The following GTF2A1L variants were observed in gnomAD, a reference collection of about 807,000 sequenced individuals.
The protein encoded by GTF2A1L is TFIIA-alpha and beta-like factor.
In GTF2A1L, 48 loss-of-function variants were observed where a neutral mutation model predicts 49.7. The observed-to-expected ratio is 0.97, with a 90% CI of 0.77 to 1.23. The LOEUF (loss-of-function observed/expected upper bound fraction) is 1.23. Ranked by LOEUF, GTF2A1L falls within the 50% of genes most tolerant of loss-of-function variation. The pLI, the probability that GTF2A1L is intolerant of heterozygous loss-of-function variation, is 0.00. For synonymous variants in GTF2A1L, 246 were observed against 193.5 expected, an observed-to-expected ratio of 1.27 and a Z score of -2.25; for missense variants, 736 against 564.8, an observed-to-expected ratio of 1.30 and a Z score of -3.07.
intron 3 of GTF2A1L, among the ~76,000 whole-genome samples, chr2:48,621,850 G>A (rs990766794): frequency 3.3e-5 from 5 of 152,140 alleles, no homozygotes; most frequent in Admixed American, 2.6e-4. Flanking sequence ...TAAGGGAAAT[G>A]TTTGTCCACA....
intron 6 of GTF2A1L, among the ~76,000 whole-genome samples, chr2:48,655,072 A>G (rs1034119777): frequency 2.6e-5 from 4 of 152,154 alleles, no homozygotes; most frequent in Non-Finnish European, 5.9e-5. Flanking sequence ...TGTTGAATCT[A>G]TAGATCAGTA....
chr2:48,669,761 G>C lies in GTF2A1L; in HGVS notation c.1018G>C (p.Asp340His). The C allele has an allele frequency of 6.2e-7, 1 of 1,613,766 alleles. No homozygotes were observed. Among genetic ancestry groups the C allele is most frequent in the Non-Finnish European group, 8.5e-7 (1 of 1,179,862 alleles). ...SQVDLSIRVT[D>H]DDIGEIIQVD... Reference sequence around the variant, plus strand: ...GGTGGATTTAAGCATTCGGGTTACTGATGATGATATTGGTGAAATAATTCA... The same window carrying C: ...GGTGGATTTAAGCATTCGGGTTACTCATGATGATATTGGTGAAATAATTCA... The change falls in exon 7 of 9, where the codon GAT becomes CAT. Residue 340 changes from aspartate (D) to histidine (H), a missense_variant. Transcript: ENST00000403751.
intron 6 of GTF2A1L, among the ~76,000 whole-genome samples, chr2:48,666,254 G>A (rs1473192427): frequency 6.6e-6 from 1 of 150,856 alleles, no homozygotes; most frequent in Non-Finnish European, 1.5e-5. Flanking sequence ...CACCCAGGCT[G>A]GAGTGCAGTG....
intron 5 of GTF2A1L, 39 bp from the exon 6 acceptor site, chr2:48,646,414 A>G: frequency 7.1e-7 from 1 of 1,412,164 alleles, no homozygotes; most frequent in Non-Finnish European, 9.3e-7. Flanking sequence ...GGAAATTTTA[A>G]TTCTATTATA....
chr2:48,619,822 G>T (rs1319129437), intron 1 of GTF2A1L, among the ~76,000 whole-genome samples: 1 of 152,066 alleles, frequency 6.6e-6, no homozygotes, highest in Non-Finnish European at 1.5e-5. Flanking sequence ...GTTTAATCTG[G>T]GTAGAAATCT....
Position 48,653,220 on chromosome 2 carries a change from C to CAA in GTF2A1L, c.978+6197_978+6198dup, listed in dbSNP as rs568400398. Among the ~76,000 whole-genome samples the CAA allele has an allele frequency of 1.4e-3, 124 of 88,016 alleles. 1 individual carries two copies. The highest frequency in any genetic ancestry group is 2.0e-3 in the South Asian group (5 of 2,484). 57.7% of individuals were successfully genotyped at this position (88,016 alleles called of 152,430 possible). A position where few individuals can be genotyped will look rare whatever the true frequency, so the allele number is the denominator to read the frequency against. On this transcript the variant is annotated intron_variant, in intron 6 of 8. Transcript: ENST00000403751. ...TGGGTGACAGAGCCAGACTCTGTCT[C>CAA]AAAAAAAAAAAAAAAAAAAAGTAAA...
chr2:48,626,577 A>G lies in GTF2A1L; in HGVS notation c.247+5287A>G, dbSNP rs953941190. On this transcript the variant is annotated intron_variant, in intron 3 of 8. Transcript: ENST00000403751. ...CAATGTTTTATAGTTTTCAGTGTACATATCTTTTTTTTTGAGGCAGGGTCT... is the reference window on the plus strand; with the variant it reads ...CAATGTTTTATAGTTTTCAGTGTACGTATCTTTTTTTTTGAGGCAGGGTCT... Among the ~76,000 whole-genome samples the G allele has an allele frequency of 7.0e-5, 10 of 143,126 alleles. 2 individuals are homozygous for G. Among genetic ancestry groups the G allele is most frequent in the Non-Finnish European group, 1.4e-4 (9 of 63,562 alleles). The allele number at this position is 143,126 out of a possible 152,430, so 93.9% of individuals were successfully genotyped here.
At chr2:48,623,028 T>G (rs1676095781) in intron 3 of GTF2A1L, among the ~76,000 whole-genome samples, 1 of 152,134 alleles carries the variant, frequency 6.6e-6, no homozygotes, top group Non-Finnish European at 1.5e-5. Context: ...AATAATTACA[T>G]TTTAAATAGT....
chr2:48,674,582 T>A (rs1679364397), intron 8 of GTF2A1L, among the ~76,000 whole-genome samples: 1 of 152,186 alleles, frequency 6.6e-6, no homozygotes, highest in African/African-American at 2.4e-5. Context: ...CAGTTCTTAG[T>A]TTGAAACTTG....
At chr2:48,648,841 G>A (rs1677685808) in intron 6 of GTF2A1L, among the ~76,000 whole-genome samples, 1 of 152,064 alleles carries the variant, frequency 6.6e-6, no homozygotes, top group Non-Finnish European at 1.5e-5. Flanking sequence ...AAGAGTATAT[G>A]TAAAATGCTT....
At chr2:48,639,177 C>G (rs1572717704) in intron 3 of GTF2A1L, among the ~76,000 whole-genome samples, 1 of 152,138 alleles carries the variant, frequency 6.6e-6, no homozygotes, top group East Asian at 1.9e-4. Context: ...CAATGAAATT[C>G]TTCACAGAGC....
intron 2 of GTF2A1L, 41 bp downstream of exon 2, chr2:48,620,993 T>G: frequency 6.3e-7 from 1 of 1,581,280 alleles, no homozygotes; most frequent in Non-Finnish European, 8.6e-7. Context: ...TCTTTTGTTG[T>G]TTTTTTCAGC....
At chr2:48,655,533 C>A (rs1056936431) in intron 6 of GTF2A1L, among the ~76,000 whole-genome samples, 1 of 151,952 alleles carries the variant, frequency 6.6e-6, no homozygotes, top group East Asian at 1.9e-4. Context: ...CTGAAAATTT[C>A]TAAGGCATTT....
intron 3 of GTF2A1L, among the ~76,000 whole-genome samples, chr2:48,622,612 G>C (rs1490857600): frequency 6.6e-6 from 1 of 152,150 alleles, no homozygotes; most frequent in Middle Eastern, 3.2e-3. Context: ...CCTGAGGTCA[G>C]GAGTTCTAGA....
chr2:48,669,412 C>G (rs1679044912), intron 6 of GTF2A1L, among the ~76,000 whole-genome samples: 1 of 152,050 alleles, frequency 6.6e-6, no homozygotes, highest in South Asian at 2.1e-4. Flanking sequence ...ATAGTTAAAT[C>G]CTAATAGGTA....
chr2:48,652,199 T>C (rs996909972), intron 6 of GTF2A1L, among the ~76,000 whole-genome samples: 1 of 152,106 alleles, frequency 6.6e-6, no homozygotes, highest in African/African-American at 2.4e-5. Flanking sequence ...AGTAGAAGAG[T>C]CCTGGAATCT....
intron 1 of GTF2A1L, 30 bp downstream of exon 1, chr2:48,617,925 G>A (rs1675752584): frequency 6.4e-7 from 1 of 1,550,984 alleles, no homozygotes; most frequent in Non-Finnish European, 8.7e-7. Context: ...CTGTGTAGAG[G>A]GAGCGCCCTG....
At chr2:48,633,017 A>T in intron 3 of GTF2A1L, 1 of 238,550 alleles carries the variant, frequency 4.2e-6, no homozygotes, top group Middle Eastern at 8.6e-4. Context: ...AGCTTCTGTC[A>T]TAAAAGGTTT....
intron 6 of GTF2A1L, among the ~76,000 whole-genome samples, chr2:48,655,989 T>G (rs540937887): frequency 1.3e-5 from 2 of 152,330 alleles, no homozygotes; most frequent in South Asian, 2.1e-4. Flanking sequence ...GGTTCATCCA[T>G]GTTGTAGCAT....
Sources: gnomAD v4.1 joint callset for allele counts (sites outside exome capture counted in the v4.1 genomes callset) on GRCh38, gnomAD v4.1.1 for gene constraint, MANE v1.5 for transcripts, NCBI Gene and HGNC (gene_info 2026-07-23, HGNC 2026-07-21) for gene names.